Variants in NEDD1 observed in about 807,000 individuals in gnomAD.
NEDD1 encodes NEDD1 gamma-tubulin ring complex targeting factor.
A neutral mutation model predicts 74.0 loss-of-function variants in NEDD1; 33 were observed. The ratio of observed to expected loss-of-function variants is 0.45; its 90% CI spans 0.34 to 0.60. The LOEUF (loss-of-function observed/expected upper bound fraction) is 0.60, where lower values mean the gene tolerates loss of function less well. Among genes scored for constraint, NEDD1 ranks in the 20% least tolerant of loss-of-function variants. The pLI, the probability that NEDD1 is intolerant of heterozygous loss-of-function variation, is 0.01. For missense variants in NEDD1, 746 were observed against 776.5 expected, an observed-to-expected ratio of 0.96 and a Z score of 0.47; for synonymous variants, 250 against 264.4, an observed-to-expected ratio of 0.95 and a Z score of 0.53.
intron 6 of NEDD1, among the ~76,000 whole-genome samples, chr12:96,931,059 A>G (rs1260665481): frequency 1.3e-5 from 2 of 152,180 alleles, no homozygotes. Flanking sequence ...GGCTTAGGTG[A>G]CAGATGATTT....
intron 4 of NEDD1, among the ~76,000 whole-genome samples, chr12:96,916,302 T>C (rs7296936): frequency 0.48 from 69,976 of 146,890 alleles, 16,976 homozygotes; most frequent in African/African-American, 0.54. Flanking sequence ...ATGTGCACAT[T>C]GTGCAGGTTA....
At chr12:96,951,870 G>A in intron 15 of NEDD1, 79 bp from the exon 16 acceptor site, 1 of 750,270 alleles carries the variant, frequency 1.3e-6, no homozygotes, top group Admixed American at 2.2e-5. Flanking sequence ...AGAAATGATA[G>A]CTGAAAGTAT....
rs374425199 is a variant in NEDD1 at position 96,952,103 on chromosome 12, C to T, written c.*50C>T. The T allele has an allele frequency of 1.2e-5, 11 of 943,968 alleles. No homozygotes were observed. Among genetic ancestry groups the T allele is most frequent in the Non-Finnish European group, 1.7e-5 (10 of 579,452 alleles). The allele number at this position is 943,968 out of a possible 1,614,324, so 58.5% of individuals were successfully genotyped here. A position where few individuals can be genotyped will look rare whatever the true frequency, so the allele number is the denominator to read the frequency against. On this transcript the variant is annotated 3_prime_UTR_variant, in exon 16 of 16. Coordinates refer to ENST00000266742, the MANE Select transcript of NEDD1 (RefSeq NM_152905.4). ...CTGTAATTTGGGAAGTTTCTGGCAA[C>T]ACAGAACTACATAGAATCAGTATTG...
In NEDD1 at chr12:96,943,650, T is replaced by G. The variant is rs374739361; in HGVS notation, c.1385T>G (p.Leu462Arg). 2 of 1,611,714 alleles carry G rather than the reference T, an allele frequency of 1.2e-6. No individual in the cohort carries two copies. Among genetic ancestry groups the G allele is most frequent in the African/African-American group, 2.7e-5 (2 of 74,990 alleles). The change falls in exon 12 of 16, where the codon CTT (leucine) becomes CGT (arginine). Residue 462 changes from leucine (L) to arginine (R), a missense_variant. Leu to Arg is a moderately radical substitution (Grantham distance 102, BLOSUM62 -2). Transcript: ENST00000266742. ...ACTTCAGTATTGCATTCTAGTCCTC[T>G]TAATGTTTTTATGGGATCTCCAGGG... ...SSTSVLHSSP[L>R]NVFMGSPGKE...
chr12:96,908,674 G>A (rs1453974854), intron 2 of NEDD1, among the ~76,000 whole-genome samples: 1 of 152,206 alleles, frequency 6.6e-6, no homozygotes, highest in Non-Finnish European at 1.5e-5. Flanking sequence ...TAGGGACTTA[G>A]TGGCGTCTCA....
intron 4 of NEDD1, among the ~76,000 whole-genome samples, chr12:96,914,033 A>T (rs1874192038): frequency 6.6e-6 from 1 of 152,176 alleles, no homozygotes; most frequent in Non-Finnish European, 1.5e-5. Flanking sequence ...CAGATGTTGG[A>T]GACTGGGACA....
At chr12:96,943,061 C>T (rs1170504482) in intron 11 of NEDD1, among the ~76,000 whole-genome samples, 1 of 152,012 alleles carries the variant, frequency 6.6e-6, no homozygotes, top group African/African-American at 2.4e-5. Flanking sequence ...TTGGTAGTGA[C>T]ATCTCACTAC....
At chr12:96,918,464 T>C (rs1874708822) in intron 5 of NEDD1, among the ~76,000 whole-genome samples, 1 of 152,176 alleles carries the variant, frequency 6.6e-6, no homozygotes, top group African/African-American at 2.4e-5. Flanking sequence ...CTTTCTTTAA[T>C]CCATCTCCCA....
At chr12:96,932,186 G>A (rs574271859) in intron 6 of NEDD1, among the ~76,000 whole-genome samples, 2 of 151,054 alleles carry the variant, frequency 1.3e-5, no homozygotes, top group African/African-American at 4.9e-5. Context: ...TTATACTGCC[G>A]GGATTTTTTC....
At chr12:96,918,746 A>T (rs908432071) in intron 5 of NEDD1, among the ~76,000 whole-genome samples, 2 of 152,214 alleles carry the variant, frequency 1.3e-5, no homozygotes, top group Non-Finnish European at 2.9e-5. Flanking sequence ...TGAATGACTT[A>T]TTCTCCACAG....
intron 6 of NEDD1, among the ~76,000 whole-genome samples, chr12:96,928,234 A>C (rs1206303909): frequency 6.6e-6 from 1 of 152,028 alleles, no homozygotes; most frequent in Non-Finnish European, 1.5e-5. Context: ...TTAGTGATCT[A>C]CCCTGGGTAT....
chr12:96,932,112 CT>C (rs1876540060), intron 6 of NEDD1, among the ~76,000 whole-genome samples: 1 of 151,712 alleles, frequency 6.6e-6, no homozygotes, highest in Non-Finnish European at 1.5e-5. Flanking sequence ...AACAATCTCC[CT>C]CCTCCACAAA....
Position 96,907,793 on chromosome 12 carries a change from G to C in NEDD1, c.-72G>C, listed in dbSNP as rs1307618918. The C allele has an allele frequency of 6.0e-6, 9 of 1,496,930 alleles. No homozygotes were observed. The highest frequency in any genetic ancestry group is 2.2e-5 in the Admixed American group (1 of 46,510). The allele number at this position is 1,496,930 out of a possible 1,614,324, so 92.7% of individuals were successfully genotyped here. On this transcript the variant is annotated 5_prime_UTR_variant, in exon 2 of 16. Coordinates refer to ENST00000266742, the MANE Select transcript of NEDD1 (RefSeq NM_152905.4). ...TGTGTCCTGACTGCTAGCTTTCGAC[G>C]GGACCGTCTTTGAGGGACTCATGTA...
At chr12:96,925,558 A>G (rs1875602038) in intron 6 of NEDD1, among the ~76,000 whole-genome samples, 1 of 152,148 alleles carries the variant, frequency 6.6e-6, no homozygotes, top group Non-Finnish European at 1.5e-5. Flanking sequence ...GAGCAGCTGA[A>G]TATATAAGGG....
intron 5 of NEDD1, among the ~76,000 whole-genome samples, chr12:96,918,880 A>G (rs1874755347): frequency 6.6e-6 from 1 of 152,198 alleles, no homozygotes; most frequent in African/African-American, 2.4e-5. Context: ...CTTTTCATCA[A>G]ACATTTTTTC....
At chr12:96,937,425 GGTTT>G (rs1565806460) in intron 9 of NEDD1, 32 bp downstream of exon 9, 5 of 1,310,100 alleles carry the variant, frequency 3.8e-6, no homozygotes, top group Non-Finnish European at 5.1e-6. Flanking sequence ...TTGGAGGGTT[GGTTT>G]GTTTTTTTTT....
chr12:96,910,154 A>G (rs567474520), intron 3 of NEDD1, among the ~76,000 whole-genome samples: 1 of 152,368 alleles, frequency 6.6e-6, no homozygotes, highest in African/African-American at 2.4e-5. Flanking sequence ...TAAAAAAAGT[A>G]TATTCTGTCT....
intron 10 of NEDD1, among the ~76,000 whole-genome samples, chr12:96,941,596 T>G (rs1045447228): frequency 2.6e-5 from 4 of 152,068 alleles, no homozygotes; most frequent in Non-Finnish European, 5.9e-5. Context: ...TGAGAAAGGT[T>G]TCTGGGATTA....
At chr12:96,938,875 G>T (rs185823981) in intron 9 of NEDD1, among the ~76,000 whole-genome samples, 4 of 151,772 alleles carry the variant, frequency 2.6e-5, no homozygotes, top group Non-Finnish European at 5.9e-5. Context: ...GAAACATTGA[G>T]AATAGTAGAC....
Sources: allele counts gnomAD v4.1 joint callset (sites outside exome capture counted in the v4.1 genomes callset), GRCh38; gene constraint gnomAD v4.1.1; transcripts MANE v1.5; gene names NCBI Gene and HGNC (gene_info 2026-07-23, HGNC 2026-07-21).